ZMAT4: variants seen among roughly 807,000 people sequenced by gnomAD.
ZMAT4 encodes the protein zinc finger matrin-type protein 4.
In ZMAT4, 17 loss-of-function variants were observed where a neutral mutation model predicts 28.7. That is an observed-to-expected ratio of 0.59 (90% confidence interval 0.41 to 0.89). ZMAT4 has a LOEUF of 0.89. Among genes scored for constraint, ZMAT4 ranks in the 40% least tolerant of loss-of-function variants. ZMAT4 has a pLI of 0.00. For synonymous variants in ZMAT4, 117 were observed against 109.2 expected (o/e 1.07, Z -0.44); for missense variants, 240 against 283.8 (o/e 0.85, Z 1.11).
chr8:40,799,091 A>C (rs1053807868), intron 2 of ZMAT4, among the ~76,000 whole-genome samples: 2 of 151,318 alleles, frequency 1.3e-5, no homozygotes, highest in African/African-American at 2.4e-5. Context: ...GGATGGATGG[A>C]TGGATGGATG....
intron 4 of ZMAT4, among the ~76,000 whole-genome samples, chr8:40,685,688 C>T (rs1809372593): frequency 6.6e-6 from 1 of 152,038 alleles, no homozygotes; most frequent in African/African-American, 2.4e-5. Flanking sequence ...GTGTGCACCA[C>T]CCACCAAGAC....
chr8:40,808,850 T>TA (rs36013592), intron 2 of ZMAT4, among the ~76,000 whole-genome samples: 61,616 of 144,960 alleles, frequency 0.43, 13,184 homozygotes, highest in Non-Finnish European at 0.49. Flanking sequence ...GCCAACTATT[T>TA]AAAAAAAAAA....
chr8:40,635,887 T>C (rs1806773433), intron 5 of ZMAT4, among the ~76,000 whole-genome samples: 1 of 152,192 alleles, frequency 6.6e-6, no homozygotes, highest in African/African-American at 2.4e-5. Context: ...AGTCAAACTG[T>C]AACCTAATTA....
At chr8:40,775,696 T>C (rs533384070) in intron 2 of ZMAT4, among the ~76,000 whole-genome samples, 1 of 152,242 alleles carries the variant, frequency 6.6e-6, no homozygotes, top group South Asian at 2.1e-4. Flanking sequence ...CAGGCTTCTG[T>C]GGCTGAAGGT....
chr8:40,739,809 C>T (rs1811924965), intron 3 of ZMAT4, among the ~76,000 whole-genome samples: 1 of 152,152 alleles, frequency 6.6e-6, no homozygotes, highest in Admixed American at 6.5e-5. Flanking sequence ...CTCCCACCCG[C>T]CGACAGGCCC....
chr8:40,745,915 G>A (rs1343483931), intron 3 of ZMAT4, among the ~76,000 whole-genome samples: 1 of 152,050 alleles, frequency 6.6e-6, no homozygotes, highest in Admixed American at 6.5e-5. Flanking sequence ...TCATCCTCTA[G>A]AACTAATTTG....
intron 1 of ZMAT4, among the ~76,000 whole-genome samples, chr8:40,857,645 C>T (rs1160089550): frequency 6.6e-6 from 1 of 152,102 alleles, no homozygotes; most frequent in Non-Finnish European, 1.5e-5. Flanking sequence ...TATATATCTA[C>T]CCTATCACTC....
chr8:40,895,355 C>A (rs1818832099), intron 1 of ZMAT4, among the ~76,000 whole-genome samples: 1 of 152,226 alleles, frequency 6.6e-6, no homozygotes, highest in Non-Finnish European at 1.5e-5. Flanking sequence ...CTAACACCAG[C>A]AATTAGATTC....
At chr8:40,568,486 C>T (rs991667874) in intron 6 of ZMAT4, among the ~76,000 whole-genome samples, 2 of 152,146 alleles carry the variant, frequency 1.3e-5, no homozygotes, top group African/African-American at 4.8e-5. Flanking sequence ...GAAACCCCAA[C>T]CTTGGGCAAG....
chr8:40,534,138 G>T (rs1185962073), intron 6 of ZMAT4, among the ~76,000 whole-genome samples: 2 of 151,824 alleles, frequency 1.3e-5, no homozygotes, highest in African/African-American at 4.8e-5. Context: ...CCCATAATGA[G>T]GAAAAATATC....
At chr8:40,585,714 G>C (rs1242436825) in intron 5 of ZMAT4, among the ~76,000 whole-genome samples, 1 of 152,114 alleles carries the variant, frequency 6.6e-6, no homozygotes, top group African/African-American at 2.4e-5. Flanking sequence ...ACCAGTGTGT[G>C]AGTTTTTAAA....
chr8:40,842,427 C>A (rs1816736205), intron 1 of ZMAT4, among the ~76,000 whole-genome samples: 1 of 152,196 alleles, frequency 6.6e-6, no homozygotes, highest in African/African-American at 2.4e-5. Context: ...AGTTATCTTC[C>A]AGTTATCTTT....
chr8:40,785,278 C>T (rs150654660), intron 2 of ZMAT4, among the ~76,000 whole-genome samples: 58 of 152,336 alleles, frequency 3.8e-4, no homozygotes, highest in African/African-American at 1.2e-3. Flanking sequence ...ATTGTCTTGG[C>T]CACATAGTTT....
intron 1 of ZMAT4, among the ~76,000 whole-genome samples, chr8:40,845,255 C>T (rs546762431): frequency 1.1e-4 from 17 of 152,228 alleles, no homozygotes; most frequent in Admixed American, 1.0e-3. Context: ...ATCAATATGG[C>T]CAAACAGCTC....
intron 5 of ZMAT4, among the ~76,000 whole-genome samples, chr8:40,613,441 C>T (rs1416830238): frequency 6.6e-6 from 1 of 152,082 alleles, no homozygotes; most frequent in Non-Finnish European, 1.5e-5. Context: ...ATCTCGGCCT[C>T]CTAAAGTGCT....
intron 5 of ZMAT4, among the ~76,000 whole-genome samples, chr8:40,667,604 G>T (rs1338601342): frequency 6.6e-6 from 1 of 152,102 alleles, no homozygotes; most frequent in African/African-American, 2.4e-5. Flanking sequence ...GTGATCTCTC[G>T]AGGTTCTCAT....
intron 2 of ZMAT4, among the ~76,000 whole-genome samples, chr8:40,804,948 G>T (rs1363378181): frequency 1.3e-5 from 2 of 150,126 alleles, no homozygotes; most frequent in African/African-American, 4.9e-5. Context: ...TCAAGTGTAA[G>T]CAAAAAAAAA....
chr8:40,671,754 A>T (rs1053178694), intron 5 of ZMAT4, among the ~76,000 whole-genome samples: 2 of 152,182 alleles, frequency 1.3e-5, no homozygotes, highest in Admixed American at 6.6e-5. Flanking sequence ...CACTGTCAAA[A>T]CTCATAGAAC....
At chr8:40,857,725 A>G (rs1463228763) in intron 1 of ZMAT4, among the ~76,000 whole-genome samples, 2 of 152,240 alleles carry the variant, frequency 1.3e-5, no homozygotes, top group African/African-American at 4.8e-5. Context: ...CTCATATAAG[A>G]ATATACATTG....
Sources: gnomAD v4.1 joint callset for allele counts (sites outside exome capture counted in the v4.1 genomes callset) on GRCh38, gnomAD v4.1.1 for gene constraint, MANE v1.5 for transcripts, NCBI Gene and HGNC (gene_info 2026-07-23, HGNC 2026-07-21) for gene names.